Variants in FARS2 observed in about 807,000 individuals in gnomAD.
FARS2 encodes phenylalanyl-tRNA synthetase 2, mitochondrial, also known as phenylalanine--tRNA ligase, mitochondrial.
In FARS2, 40 loss-of-function variants were observed where a neutral mutation model predicts 46.4. The observed-to-expected ratio is 0.86, with a 90% CI of 0.67 to 1.12. The LOEUF (loss-of-function observed/expected upper bound fraction) is 1.12. FARS2 is among the 50% of genes most tolerant of loss of function. The pLI is 0.00. For synonymous variants in FARS2, 234 were observed against 214.9 expected (o/e 1.09, Z -0.78); for missense variants, 513 against 567.9 (o/e 0.90, Z 0.98).
chr6:5,671,379 A>G (rs553661536), intron 6 of FARS2, among the ~76,000 whole-genome samples: 22 of 152,312 alleles, frequency 1.4e-4, no homozygotes, highest in African/African-American at 5.3e-4. Flanking sequence ...TGAGCTCTTC[A>G]GGCATAGGAT....
chr6:5,676,232 G>T (rs1255971707), intron 6 of FARS2, among the ~76,000 whole-genome samples: 1 of 152,178 alleles, frequency 6.6e-6, no homozygotes, highest in Non-Finnish European at 1.5e-5. Context: ...AACCGAGCGT[G>T]AGATGAATGA....
intron 5 of FARS2, among the ~76,000 whole-genome samples, chr6:5,546,462 G>A (rs915253358): frequency 2.0e-5 from 3 of 151,652 alleles, no homozygotes; most frequent in South Asian, 4.2e-4. Context: ...ATGTTGGCCA[G>A]GCTGGTCTCA....
upstream of FARS2, among the ~76,000 whole-genome samples, chr6:5,256,141 G>C (rs1764654199): frequency 6.6e-6 from 1 of 151,974 alleles, no homozygotes; most frequent in African/African-American, 2.4e-5. Context: ...CTATTCTAGG[G>C]AACATCAGAA....
intron 6 of FARS2, among the ~76,000 whole-genome samples, chr6:5,745,234 A>G (rs1403410665): frequency 6.6e-6 from 1 of 152,262 alleles, no homozygotes; most frequent in Non-Finnish European, 1.5e-5. Context: ...TTGGAAATCC[A>G]AAGTTAGAGA....
intron 6 of FARS2, among the ~76,000 whole-genome samples, chr6:5,731,543 G>A (rs1344311719): frequency 6.6e-6 from 1 of 152,148 alleles, no homozygotes; most frequent in Non-Finnish European, 1.5e-5. Flanking sequence ...TCACACACCG[G>A]AGTATGGTTT....
intron 6 of FARS2, among the ~76,000 whole-genome samples, chr6:5,633,190 C>T (rs1001117012): frequency 6.6e-6 from 1 of 150,766 alleles, no homozygotes; most frequent in African/African-American, 2.4e-5. Context: ...ACTTGAACTC[C>T]TGAACTCAAG....
intron 5 of FARS2, among the ~76,000 whole-genome samples, chr6:5,546,561 T>C (rs1314975625): frequency 1.3e-5 from 2 of 151,916 alleles, no homozygotes; most frequent in Non-Finnish European, 2.9e-5. Context: ...TCATCTAGTA[T>C]CTTTTCCAAC....
chr6:5,252,097 C>T, the FARS2 span, among the ~76,000 whole-genome samples: 1 of 152,172 alleles, frequency 6.6e-6, no homozygotes, highest in Non-Finnish European at 1.5e-5. Flanking sequence ...TTGATCAGGA[C>T]TTAGGAATTT....
chr6:5,756,709 G>A (rs1020140667), intron 6 of FARS2, among the ~76,000 whole-genome samples: 2 of 152,158 alleles, frequency 1.3e-5, no homozygotes, highest in Admixed American at 6.5e-5. Flanking sequence ...ACATTATTCA[G>A]CACATCTAGG....
At chr6:5,253,314 GT>G in the FARS2 span, among the ~76,000 whole-genome samples, 1 of 152,106 alleles carries the variant, frequency 6.6e-6, no homozygotes, top group South Asian at 2.1e-4. Flanking sequence ...TATTTATTAT[GT>G]TGGTGCAAAA....
chr6:5,575,851 A>G (rs1203956663), intron 5 of FARS2, among the ~76,000 whole-genome samples: 3 of 152,232 alleles, frequency 2.0e-5, no homozygotes, highest in East Asian at 1.9e-4. Flanking sequence ...GTTTTATACA[A>G]TTTTTTGGCT....
At chr6:5,649,770 C>A (rs1221222449) in intron 6 of FARS2, among the ~76,000 whole-genome samples, 2 of 152,152 alleles carry the variant, frequency 1.3e-5, no homozygotes, top group African/African-American at 4.8e-5. Context: ...GATTCTAGAG[C>A]CCGTACTCTT....
upstream of FARS2, chr6:5,260,937 C>T (rs1765060031): frequency 5.2e-6 from 7 of 1,347,402 alleles, no homozygotes; most frequent in African/African-American, 1.6e-5. Context: ...CGGGGGCGGG[C>T]GCAGGCAGGG....
intron 6 of FARS2, among the ~76,000 whole-genome samples, chr6:5,647,094 GT>G (rs1224129351): frequency 3.3e-5 from 5 of 152,262 alleles, no homozygotes; most frequent in Admixed American, 1.3e-4. Context: ...TTTGTTTTTT[GT>G]TGTGTTCCTC....
At chr6:5,533,402 G>T (rs902042210) in intron 4 of FARS2, among the ~76,000 whole-genome samples, 1 of 152,088 alleles carries the variant, frequency 6.6e-6, no homozygotes, top group African/African-American at 2.4e-5. Context: ...GAAATTCTTC[G>T]GAATACTATC....
chr6:5,507,397 AAT>A (rs1313799870), intron 4 of FARS2, among the ~76,000 whole-genome samples: 1 of 151,672 alleles, frequency 6.6e-6, no homozygotes, highest in African/African-American at 2.4e-5. Flanking sequence ...AAAAAAAAAA[AAT>A]CTGATGTTTA....
chr6:5,362,755 T>C (rs567380471), intron 1 of FARS2, among the ~76,000 whole-genome samples: 1 of 152,314 alleles, frequency 6.6e-6, no homozygotes, highest in East Asian at 1.9e-4. Flanking sequence ...CTTTTCTTTT[T>C]GGTAATAGCG....
intron 4 of FARS2, among the ~76,000 whole-genome samples, chr6:5,527,168 T>G (rs1769518301): frequency 6.6e-6 from 1 of 152,248 alleles, no homozygotes; most frequent in South Asian, 2.1e-4. Flanking sequence ...CAGTCAGCAA[T>G]GTGCTGGGCC....
chr6:5,255,687 G>A, the FARS2 span, among the ~76,000 whole-genome samples: 6 of 152,104 alleles, frequency 3.9e-5, no homozygotes, highest in African/African-American at 1.4e-4. Flanking sequence ...AGCATCCGTA[G>A]CCACGAATTT....
Sources: gnomAD v4.1 joint callset for allele counts (sites outside exome capture counted in the v4.1 genomes callset) on GRCh38, gnomAD v4.1.1 for gene constraint, MANE v1.5 for transcripts, NCBI Gene and HGNC (gene_info 2026-07-23, HGNC 2026-07-21) for gene names.